Variants in PLEKHA8 observed in about 807,000 individuals in gnomAD.
PLEKHA8 encodes the protein pleckstrin homology domain containing A8, also known as pleckstrin homology domain-containing family A member 8.
PLEKHA8 carries 36 observed loss-of-function variants against 68.2 expected under a neutral mutation model. The ratio of observed to expected loss-of-function variants is 0.53; its 90% CI spans 0.40 to 0.70. The LOEUF is 0.70. PLEKHA8 is among the 30% of genes least tolerant of loss of function. The pLI, the probability that PLEKHA8 is intolerant of heterozygous loss-of-function variation, is 0.00. For missense variants in PLEKHA8, 505 were observed against 615.4 expected (o/e 0.82, Z 1.90); for synonymous variants, 211 against 216.1 (o/e 0.98, Z 0.20).
At chr7:30,056,312 C>CTCTCTCTATATATATATATA (rs796845171) in intron 9 of PLEKHA8, among the ~76,000 whole-genome samples, 1 of 94,554 alleles carries the variant, frequency 1.1e-5, no homozygotes, top group Non-Finnish European at 2.1e-5. Context: ...CTCTCTCTCT[C>CTCTCTCTATATATATATATA]TATATATATA....
intron 1 of PLEKHA8, among the ~76,000 whole-genome samples, chr7:30,036,249 G>A (rs1791065215): frequency 6.6e-6 from 1 of 151,974 alleles, no homozygotes; most frequent in Non-Finnish European, 1.5e-5. Flanking sequence ...TCCAGCCTGG[G>A]CAACAGAACG....
At chr7:30,118,178 G>T in intron 13 of PLEKHA8, 1 of 505,284 alleles carries the variant, frequency 2.0e-6, no homozygotes, top group African/African-American at 2.0e-5. Flanking sequence ...AGAGAAGGAA[G>T]TATGTGAGAG....
At chr7:30,115,888 GCGTATA>G (rs1562558225) in intron 13 of PLEKHA8, 1 of 140,536 alleles carries the variant, frequency 7.1e-6, no homozygotes, top group Non-Finnish European at 1.6e-5. Context: ...ACGCATACAT[GCGTATA>G]CATGCATGTA....
chr7:30,060,138 C>G (rs1303304347), intron 9 of PLEKHA8, among the ~76,000 whole-genome samples: 2 of 134,428 alleles, frequency 1.5e-5, no homozygotes, highest in Non-Finnish European at 3.2e-5. Context: ...TCCGTCCCCC[C>G]AGAAAAAAGA....
At chr7:30,078,478 T>G (rs1033949314) in intron 13 of PLEKHA8, 112 bp from the exon 14 acceptor site, 6 of 1,147,234 alleles carry the variant, frequency 5.2e-6, no homozygotes, top group Admixed American at 4.1e-5. Flanking sequence ...ACTCTTGCTC[T>G]TCTCAGCTGT....
chr7:30,086,242 C>T (rs969907804), downstream of PLEKHA8, among the ~76,000 whole-genome samples: 3 of 152,196 alleles, frequency 2.0e-5, no homozygotes, highest in Non-Finnish European at 2.9e-5. Context: ...TCTGTATGGG[C>T]TCTGCTTATT....
Position 30,078,701 on chromosome 7 carries a change from C to G in PLEKHA8, c.1474C>G (p.Leu492Val), listed in dbSNP as rs1310576446. 1 of 1,613,714 alleles carries G rather than the reference C, an allele frequency of 6.2e-7. No homozygotes were observed. The highest frequency in any genetic ancestry group is 1.3e-5 in the African/African-American group (1 of 74,890). The change falls in exon 14 of 14, where the codon CTT (leucine) becomes GTT (valine). Residue 492 changes from leucine (L) to valine (V), a missense_variant. Leu to Val is a conservative substitution (Grantham distance 32). Transcript: ENST00000449726. ...TATTGGGATGCAGAGGGACCTCAGC[C>G]TTTACCTCCCTGCCATGGAGAAGCA... ...FSIGMQRDLS[L>V]YLPAMEKQLA...
Position 30,050,416 on chromosome 7 carries a change from TC to T in PLEKHA8, c.598-17del. 6.4e-7 allele frequency: 1 copy of T among 1,568,834 alleles called. No homozygotes were observed. The highest frequency in any genetic ancestry group is 1.2e-5 in the South Asian group (1 of 83,100). ...AAAGTTTAACATGTGAACTTTCCTTTCTTTGCTTCTTTTAAAGATGAAACAT... is the reference window on the plus strand; with the variant it reads ...AAAGTTTAACATGTGAACTTTCCTTTTTTGCTTCTTTTAAAGATGAAACAT... On this transcript the variant is annotated splice_polypyrimidine_tract_variant and intron_variant, in intron 5 of 13. Coordinates refer to ENST00000449726, the MANE Select transcript of PLEKHA8 (RefSeq NM_001197026.2).
chr7:30,122,797 A>G (rs1192359441), intron 13 of PLEKHA8, among the ~76,000 whole-genome samples: 1 of 152,208 alleles, frequency 6.6e-6, no homozygotes, highest in Non-Finnish European at 1.5e-5. Context: ...AGAAGCAGGA[A>G]AGTGGATATT....
At chr7:30,104,226 A>G (rs1157673511) in intron 13 of PLEKHA8, among the ~76,000 whole-genome samples, 1 of 152,220 alleles carries the variant, frequency 6.6e-6, no homozygotes, top group East Asian at 1.9e-4. Flanking sequence ...GAATTACCAT[A>G]TGTTGCTAGT....
downstream of PLEKHA8, among the ~76,000 whole-genome samples, chr7:30,092,265 A>AGTC (rs1795442756): frequency 6.6e-6 from 1 of 152,096 alleles, no homozygotes; most frequent in Non-Finnish European, 1.5e-5. Context: ...TGGTAATAAT[A>AGTC]GTCGTTGTTA....
Position 30,081,476 on chromosome 7 carries a change from T to C in PLEKHA8, c.*2689T>C, listed in dbSNP as rs1794926953. ...CTAAAGTATTTGCTCTCTGTTTTAG[T>C]TAAAGTCATAATTTGCGCTGATGTG... On this transcript the variant is annotated 3_prime_UTR_variant, in exon 14 of 14. Transcript: ENST00000449726. 1 of 985,084 alleles carries C rather than the reference T, an allele frequency of 1.0e-6. No homozygotes were observed. The highest frequency in any genetic ancestry group is 1.7e-5 in the African/African-American group (1 of 57,236). The allele number at this position is 985,084 out of a possible 1,614,324, so 61.0% of individuals were successfully genotyped here. A position where few individuals can be genotyped will look rare whatever the true frequency, so the allele number is the denominator to read the frequency against.
At chr7:30,075,062 C>G (rs778584076) in intron 13 of PLEKHA8, 1 of 152,102 alleles carries the variant, frequency 6.6e-6, no homozygotes, top group Non-Finnish European at 1.5e-5. Context: ...TACTCACATT[C>G]TTTGGAAGGT....
At chr7:30,044,863 T>C in intron 1 of PLEKHA8, among the ~76,000 whole-genome samples, 1 of 152,230 alleles carries the variant, frequency 6.6e-6, no homozygotes, top group Non-Finnish European at 1.5e-5. Flanking sequence ...TCTGTAATCC[T>C]GTGACTAAAA....
chr7:30,116,234 G>A (rs1398537824), intron 13 of PLEKHA8, among the ~76,000 whole-genome samples: 4 of 147,516 alleles, frequency 2.7e-5, no homozygotes, highest in South Asian at 2.1e-4. Flanking sequence ...ACGTATACAT[G>A]TATGCGTATA....
chr7:30,044,560 A>C (rs1447591423), intron 1 of PLEKHA8, among the ~76,000 whole-genome samples: 1 of 152,248 alleles, frequency 6.6e-6, no homozygotes, highest in Non-Finnish European at 1.5e-5. Context: ...CCTAAGGGTC[A>C]TAGGATTCTA....
chr7:30,050,419 T>G lies in PLEKHA8; in HGVS notation c.598-15T>G, dbSNP rs758622275. On this transcript the variant is annotated splice_polypyrimidine_tract_variant and intron_variant, in intron 5 of 13. Coordinates refer to ENST00000449726, the MANE Select transcript of PLEKHA8 (RefSeq NM_001197026.2). ...GTTTAACATGTGAACTTTCCTTTCT[T>G]TGCTTCTTTTAAAGATGAAACATCC... 3 of 1,571,208 alleles carry G rather than the reference T, an allele frequency of 1.9e-6. No homozygotes were observed. The South Asian group carries it at 3.6e-5, about 19-fold the overall frequency.
intron 6 of PLEKHA8, among the ~76,000 whole-genome samples, chr7:30,051,308 A>C (rs1456897384): frequency 6.6e-6 from 1 of 151,680 alleles, no homozygotes; most frequent in Non-Finnish European, 1.5e-5. Flanking sequence ...AAATATTCTT[A>C]CTAGGAGCAT....
intron 12 of PLEKHA8, chr7:30,090,015 T>C: frequency 1.3e-6 from 1 of 773,362 alleles, no homozygotes. Flanking sequence ...TGTAGGAGTA[T>C]CGAGATATTC....
Sources: gnomAD v4.1 joint callset for allele counts (sites outside exome capture counted in the v4.1 genomes callset) on GRCh38, gnomAD v4.1.1 for gene constraint, MANE v1.5 for transcripts, NCBI Gene and HGNC (gene_info 2026-07-23, HGNC 2026-07-21) for gene names.